The following PGGT1B variants were observed in gnomAD, a reference collection of about 807,000 sequenced individuals.
PGGT1B encodes protein geranylgeranyltransferase type I subunit beta.
In PGGT1B, 30 loss-of-function variants were observed where a neutral mutation model predicts 46.1. The ratio of observed to expected loss-of-function variants is 0.65; its 90% CI spans 0.49 to 0.88. The LOEUF is 0.88. PGGT1B is among the 40% of genes least tolerant of loss of function. PGGT1B has a pLI of 0.00. For synonymous variants in PGGT1B, 170 were observed against 160.0 expected (o/e 1.06, Z -0.47); for missense variants, 376 against 455.9 (o/e 0.82, Z 1.60).
chr5:115,231,067 A>ATAT, intron 5 of PGGT1B, 46 bp from the exon 6 acceptor site: 1 of 991,530 alleles, frequency 1.0e-6, no homozygotes, highest in Non-Finnish European at 1.5e-6. Flanking sequence ...AATAATAATA[A>ATAT]TAATAAATGA....
At chr5:115,240,444 T>C (rs772914379) in intron 3 of PGGT1B, among the ~76,000 whole-genome samples, 2 of 152,158 alleles carry the variant, frequency 1.3e-5, no homozygotes, top group Non-Finnish European at 2.9e-5. Flanking sequence ...AATGAAGACA[T>C]TACCTGTATT....
chr5:115,259,778 G>C (rs1485287897), intron 1 of PGGT1B, among the ~76,000 whole-genome samples: 1 of 151,714 alleles, frequency 6.6e-6, no homozygotes, highest in Non-Finnish European at 1.5e-5. Flanking sequence ...TACAACACAG[G>C]ATACACAGGG....
rs1417163669 is a variant in PGGT1B at position 115,205,122 on chromosome 5, CT to C, written c.*7279del. The C allele has an allele frequency of 6.6e-6, 1 of 152,158 alleles. No homozygotes were observed. Among genetic ancestry groups the C allele is most frequent in the African/African-American group, 2.4e-5 (1 of 41,452 alleles). The allele number at this position is 152,158 out of a possible 1,614,324, so 9.4% of individuals were successfully genotyped here. The stretch of plus-strand genomic sequence containing the variant: ...GATTTCATAAAGCTCTACCAAACTC[CT>C]TGACTTGCTCATGTAGAATTAAATG... On this transcript the variant is annotated 3_prime_UTR_variant, in exon 9 of 9. Coordinates refer to ENST00000419445, the MANE Select transcript of PGGT1B (RefSeq NM_005023.4).
intron 2 of PGGT1B, among the ~76,000 whole-genome samples, chr5:115,242,269 A>C (rs1474670975): frequency 1.3e-5 from 2 of 152,202 alleles, no homozygotes; most frequent in Non-Finnish European, 2.9e-5. Flanking sequence ...TCAAGATATC[A>C]ATGGAATATA....
At chr5:115,244,763 G>GT (rs1747742243) in intron 2 of PGGT1B, among the ~76,000 whole-genome samples, 1 of 151,632 alleles carries the variant, frequency 6.6e-6, no homozygotes, top group Admixed American at 6.6e-5. Context: ...GCTAATTTTT[G>GT]TATTTTTAGT....
At chr5:115,216,302 G>A (rs1004152363) in intron 8 of PGGT1B, among the ~76,000 whole-genome samples, 2 of 152,038 alleles carry the variant, frequency 1.3e-5, no homozygotes, top group African/African-American at 4.8e-5. Context: ...ACCACACCTG[G>A]CTGATTTTTG....
At chr5:115,237,718 T>C in intron 4 of PGGT1B, 140 bp downstream of exon 4, 2 of 572,684 alleles carry the variant, frequency 3.5e-6, no homozygotes, top group Non-Finnish European at 5.6e-6. Context: ...GACTATGCAC[T>C]TAATTATGTA....
rs778688146 is a variant in PGGT1B, at chr5:115,236,970, T to C, written c.480-448A>G. ...TATACACAGATAACCATTTAATCGA[T>C]TGATCATATTGTATTTTAATTTTAC... On this transcript the variant is annotated intron_variant, in intron 4 of 8. Transcript: ENST00000419445. Among the ~76,000 whole-genome samples the C allele has an allele frequency of 2.6e-5, 4 of 152,170 alleles. No homozygotes were observed. In the East Asian group the frequency reaches 5.8e-4, roughly 22 times the overall value.
chr5:115,241,752 G>C, intron 2 of PGGT1B, 146 bp from the exon 3 acceptor site: 1 of 522,392 alleles, frequency 1.9e-6, no homozygotes, highest in Middle Eastern at 3.6e-4. Flanking sequence ...CCATGTGCCA[G>C]GTCCATTCTA....
At position 115,208,510 on chromosome 5, in the gene PGGT1B, T is replaced by C. The variant is rs1756129517; in HGVS notation, c.*3892A>G. ...TTTCTCAAAATAGTTTTTGAATTTA[T>C]TGTGTAAAATTGCTCAAAATAGTCA... On this transcript the variant is annotated 3_prime_UTR_variant, in exon 9 of 9. Coordinates refer to ENST00000419445, the MANE Select transcript of PGGT1B (RefSeq NM_005023.4). 6.6e-6 allele frequency: 1 copy of C among 152,082 alleles called. No homozygotes were observed. Among genetic ancestry groups the C allele is most frequent in the Non-Finnish European group, 1.5e-5 (1 of 67,958 alleles). The allele number at this position is 152,082 out of a possible 1,614,324, so 9.4% of individuals were successfully genotyped here. A position where few individuals can be genotyped will look rare whatever the true frequency, so the allele number is the denominator to read the frequency against.
intron 3 of PGGT1B, among the ~76,000 whole-genome samples, chr5:115,239,490 T>C (rs986167125): frequency 6.6e-6 from 1 of 152,230 alleles, no homozygotes; most frequent in African/African-American, 2.4e-5. Context: ...TTAGAATTCC[T>C]ATTGCATATT....
At chr5:115,257,057 T>C (rs550994421) in intron 1 of PGGT1B, among the ~76,000 whole-genome samples, 2 of 152,254 alleles carry the variant, frequency 1.3e-5, no homozygotes, top group South Asian at 2.1e-4. Flanking sequence ...ACAATATGTA[T>C]AAGAAGTTTA....
intron 6 of PGGT1B, among the ~76,000 whole-genome samples, chr5:115,228,151 C>T (rs994500104): frequency 4.6e-5 from 7 of 152,220 alleles, no homozygotes; most frequent in Non-Finnish European, 8.8e-5. Context: ...GAAGTCATAT[C>T]GAGAAAGATG....
intron 2 of PGGT1B, chr5:115,252,843 T>C (rs1748162075): frequency 3.9e-6 from 1 of 256,376 alleles, no homozygotes; most frequent in East Asian, 1.1e-4. Flanking sequence ...CAAACATAAA[T>C]ACTGACTATA....
chr5:115,256,114 C>A (rs1463464234), intron 1 of PGGT1B, among the ~76,000 whole-genome samples: 2 of 152,154 alleles, frequency 1.3e-5, no homozygotes, highest in Non-Finnish European at 2.9e-5. Context: ...TGGTTCTCTA[C>A]TGGGAACACT....
intron 1 of PGGT1B, 70 bp from the exon 2 acceptor site, chr5:115,253,325 G>C: frequency 1.6e-6 from 2 of 1,240,324 alleles, no homozygotes; most frequent in Non-Finnish European, 2.2e-6. Flanking sequence ...TCCTGGTCTA[G>C]AAAAATAATA....
intron 1 of PGGT1B, among the ~76,000 whole-genome samples, chr5:115,257,787 T>G (rs773532091): frequency 2.0e-5 from 3 of 152,172 alleles, no homozygotes; most frequent in Non-Finnish European, 4.4e-5. Context: ...TACATCATAT[T>G]GCATCTAAAA....
intron 2 of PGGT1B, among the ~76,000 whole-genome samples, chr5:115,243,285 A>G (rs1264113306): frequency 6.6e-6 from 1 of 152,252 alleles, no homozygotes; most frequent in Non-Finnish European, 1.5e-5. Context: ...GTTTAATAAT[A>G]GTGAAAATCT....
intron 6 of PGGT1B, 29 bp downstream of exon 6, chr5:115,230,944 AACT>A (rs758534946): frequency 1.0e-5 from 14 of 1,400,498 alleles, no homozygotes; most frequent in Non-Finnish European, 1.3e-5. Context: ...GAACAAAAGA[AACT>A]ACATGTTCAC....
Sources: allele counts gnomAD v4.1 joint callset (sites outside exome capture counted in the v4.1 genomes callset), GRCh38; gene constraint gnomAD v4.1.1; transcripts MANE v1.5; gene names NCBI Gene and HGNC (gene_info 2026-07-23, HGNC 2026-07-21).